PRDM16: variants seen among roughly 807,000 people sequenced by gnomAD.
PRDM16 encodes the protein PR/SET domain 16, also known as histone-lysine N-methyltransferase PRDM16.
PRDM16 carries 23 observed loss-of-function variants against 110.6 expected under a neutral mutation model. That is an observed-to-expected ratio of 0.21 (90% CI 0.15 to 0.29). The LOEUF is 0.29. Ranked by LOEUF, PRDM16 falls within the 10% of genes least tolerant of loss-of-function variation. The probability of loss-of-function intolerance (pLI) is 1.00; values close to 1 mark genes in which losing one functional copy is unlikely to be tolerated. For missense variants in PRDM16, 1,615 were observed against 1,794.3 expected (o/e 0.90, Z 1.81); for synonymous variants, 799 against 781.8 (o/e 1.02, Z -0.37).
chr1:3,278,130 C>G (rs1640632572), intron 3 of PRDM16, among the ~76,000 whole-genome samples: 1 of 152,204 alleles, frequency 6.6e-6, no homozygotes, highest in Non-Finnish European at 1.5e-5. Flanking sequence ...TTCCCCAACC[C>G]CACCCAGGTC....
At chr1:3,297,345 G>A (rs1052468085) in intron 3 of PRDM16, among the ~76,000 whole-genome samples, 4 of 149,080 alleles carry the variant, frequency 2.7e-5, no homozygotes, top group South Asian at 4.2e-4. Flanking sequence ...GTGCAATGGC[G>A]CGATCTTGGC....
chr1:3,099,720 C>A (rs1642488482), intron 1 of PRDM16, among the ~76,000 whole-genome samples: 1 of 152,184 alleles, frequency 6.6e-6, no homozygotes, highest in Non-Finnish European at 1.5e-5. Flanking sequence ...CTGGGGCCAC[C>A]CACCAGGCCG....
rs138620333 is a variant in PRDM16, at chr1:3,157,136, G to T, written c.38-28989G>T. 6.6e-6 allele frequency among the ~76,000 whole-genome samples: 1 copy of T among 152,164 alleles called. No individual in the cohort carries two copies. The highest frequency in any genetic ancestry group is 6.5e-5 in the Admixed American group (1 of 15,286). On this transcript the variant is annotated intron_variant, in intron 1 of 16. Coordinates refer to ENST00000270722, the MANE Select transcript of PRDM16 (RefSeq NM_022114.4). This position sits in a 1 kb window ranked among gnomAD's most constrained non-coding sequence, Gnocchi z 4.8. ...AGGGCAGGGAGTGTTAGCACCTGCC[G>T]GGCTCAGCCTGGGCGGCTCAGAGGG...
intron 1 of PRDM16, among the ~76,000 whole-genome samples, chr1:3,137,512 T>C (rs1160134606): frequency 6.6e-6 from 1 of 152,226 alleles, no homozygotes; most frequent in East Asian, 1.9e-4. Context: ...CAAGGTCTGC[T>C]GCAGGGGAGG....
chr1:3,362,534 A>G (rs113360998), intron 3 of PRDM16, among the ~76,000 whole-genome samples: 2,957 of 152,014 alleles, frequency 0.019, 80 homozygotes, highest in African/African-American at 0.064. Flanking sequence ...GGGGTCCACC[A>G]GGCCAGGCTC....
chr1:3,142,989 G>C (rs1186425085), intron 1 of PRDM16, among the ~76,000 whole-genome samples: 1 of 152,244 alleles, frequency 6.6e-6, no homozygotes, highest in Non-Finnish European at 1.5e-5. Flanking sequence ...TTCCATAAGG[G>C]AATCCGATGC....
chr1:3,114,165 G>GCA (rs778067599), intron 1 of PRDM16, among the ~76,000 whole-genome samples: 274 of 129,138 alleles, frequency 2.1e-3, no homozygotes, highest in South Asian at 8.6e-3. Context: ...ACACACACAC[G>GCA]CACACACACG....
chr1:3,197,303 G>A (rs1338343705), intron 2 of PRDM16, among the ~76,000 whole-genome samples: 2 of 152,232 alleles, frequency 1.3e-5, no homozygotes, highest in African/African-American at 4.8e-5. Flanking sequence ...GCAGCTCCCA[G>A]ATGTCAGCTG....
Position 3,201,691 on chromosome 1 carries a change from G to A in PRDM16, c.387+15217G>A, listed in dbSNP as rs1638631658. Among the ~76,000 whole-genome samples the A allele has an allele frequency of 6.6e-6, 1 of 152,248 alleles. No individual in the cohort carries two copies. ...ACCCCAGCCACTTCCAGCACCTGCAGGGCAGGACCTCCCCGCTTGGATGCT... is the reference window on the plus strand; with the variant it reads ...ACCCCAGCCACTTCCAGCACCTGCAAGGCAGGACCTCCCCGCTTGGATGCT... On this transcript the variant is annotated intron_variant, in intron 2 of 16. Transcript: ENST00000270722. The surrounding 1 kb of genome is among the most constrained non-coding windows in gnomAD (Gnocchi z 4.1).
chr1:3,390,707 G>C lies in PRDM16; in HGVS notation c.573+5421G>C, dbSNP rs1039786826. 6.6e-6 allele frequency among the ~76,000 whole-genome samples: 1 copy of C among 152,144 alleles called. No homozygotes were observed. The highest frequency in any genetic ancestry group is 6.5e-5 in the Admixed American group (1 of 15,280). ...TCCTGGGCTCTGACCCGGGTCCCGC[G>C]TTTCTGTCTGGGCGTGTGCCCTGTC... On this transcript the variant is annotated intron_variant, in intron 4 of 16. Transcript: ENST00000270722. The surrounding 1 kb of genome is among the most constrained non-coding windows in gnomAD (Gnocchi z 5.0).
At chr1:3,377,282 G>A (rs374836070) in intron 3 of PRDM16, among the ~76,000 whole-genome samples, 7 of 152,142 alleles carry the variant, frequency 4.6e-5, no homozygotes, top group East Asian at 1.9e-4. Context: ...AGAGGGCAGC[G>A]TCCCAGGGCT....
chr1:3,412,587 C>G lies in PRDM16; in HGVS notation c.2390C>G (p.Ser797Cys). Residue 797 changes from serine to cysteine, a missense_variant, in exon 9 of 17, where the codon TCC becomes TGC. Physicochemically the swap from Ser to Cys is moderately radical, Grantham distance 112. Transcript: ENST00000270722. ...PMPKGPSAPA[S>C]GEEQPLDLSI... ...CCCAAGGGCCCCTCGGCCCCCGCAT[C>G]CGGCGAGGAGCAGCCGCTGGACCTG... 6.2e-7 allele frequency: 1 copy of G among 1,605,218 alleles called. No homozygotes were observed.
chr1:3,295,647 C>G (rs1029790791), intron 3 of PRDM16, among the ~76,000 whole-genome samples: 38 of 152,216 alleles, frequency 2.5e-4, no homozygotes, highest in African/African-American at 9.2e-4. Flanking sequence ...ACTTGACCGC[C>G]AGGCTCTGAG....
intron 3 of PRDM16, among the ~76,000 whole-genome samples, chr1:3,266,439 C>T (rs903963766): frequency 6.6e-6 from 1 of 152,168 alleles, no homozygotes; most frequent in African/African-American, 2.4e-5. Flanking sequence ...TTCTCTCCCC[C>T]TGAGAGCCCC....
intron 1 of PRDM16, among the ~76,000 whole-genome samples, chr1:3,109,945 G>A (rs59909070): frequency 0.16 from 23,593 of 151,420 alleles, 2,283 homozygotes; most frequent in East Asian, 0.29. Context: ...AGTGCTCGGG[G>A]GCTCCCCTAT....
At chr1:3,404,657 G>A (rs1461115567) in intron 6 of PRDM16, 82 bp from the exon 7 acceptor site, 5 of 1,559,636 alleles carry the variant, frequency 3.2e-6, no homozygotes, top group Non-Finnish European at 3.5e-6. Context: ...AGGGGCACTG[G>A]GAACAAGCTG....
intron 10 of PRDM16, 26 bp downstream of exon 10, chr1:3,414,673 G>T: frequency 4.4e-6 from 7 of 1,584,306 alleles, no homozygotes; most frequent in African/African-American, 1.3e-5. Flanking sequence ...AGGTCAGGGC[G>T]CCCTGTAACC....
chr1:3,082,350 G>A (rs879687502), intron 1 of PRDM16, among the ~76,000 whole-genome samples: 4 of 152,214 alleles, frequency 2.6e-5, no homozygotes, highest in Non-Finnish European at 4.4e-5. Flanking sequence ...CCTGGCCAAT[G>A]TCAGAGGGGT....
chr1:3,381,748 G>A (rs1341008366), intron 3 of PRDM16, among the ~76,000 whole-genome samples: 2 of 152,172 alleles, frequency 1.3e-5, no homozygotes, highest in Non-Finnish European at 2.9e-5. Context: ...CATGGCTGTG[G>A]TCACTCACGC....
Sources: gnomAD v4.1 joint callset for allele counts (sites outside exome capture counted in the v4.1 genomes callset) on GRCh38, gnomAD v4.1.1 for gene constraint, Gnocchi (gnomAD v3.1) non-coding constraint, MANE v1.5 for transcripts, NCBI Gene and HGNC (gene_info 2026-07-23, HGNC 2026-07-21) for gene names.